CDC42SE2: variants seen among roughly 807,000 people sequenced by gnomAD.
CDC42SE2 encodes CDC42 small effector 2, also known as CDC42 small effector protein 2.
CDC42SE2 carries 3 observed loss-of-function variants against 11.5 expected under a neutral mutation model. The ratio of observed to expected loss-of-function variants is 0.26; its 90% CI spans 0.12 to 0.67. CDC42SE2 has a LOEUF of 0.67. CDC42SE2 is among the 30% of genes least tolerant of loss of function. The pLI is 0.80. For missense variants in CDC42SE2, 82 were observed against 106.8 expected (o/e 0.77, Z 1.02); for synonymous variants, 33 against 34.8 (o/e 0.95, Z 0.18).
intron 2 of CDC42SE2, among the ~76,000 whole-genome samples, chr5:131,328,476 G>A (rs1357614361): frequency 6.6e-6 from 1 of 152,008 alleles, no homozygotes; most frequent in Non-Finnish European, 1.5e-5. Context: ...TTCTTCCCTA[G>A]AAATGTTTCA....
chr5:131,247,038 C>T lies in CDC42SE2; in HGVS notation n.107+1439C>T, dbSNP rs193151432. Among the ~76,000 whole-genome samples the T allele has an allele frequency of 1.3e-4, 20 of 152,212 alleles. No homozygotes were observed. The East Asian group carries it at 3.5e-3, about 26-fold the overall frequency. Reference sequence around the variant, plus strand: ...GGATTACAAGCGTGCGCCCCCATGCCCAGTGCACCAATCCTCTTAAATACT... The same window carrying T: ...GGATTACAAGCGTGCGCCCCCATGCTCAGTGCACCAATCCTCTTAAATACT... On this transcript the variant is annotated intron_variant and non_coding_transcript_variant, in intron 1 of 3. Transcript: ENST00000502840.
intron 2 of CDC42SE2, among the ~76,000 whole-genome samples, chr5:131,255,780 G>T (rs187191204): frequency 9.1e-4 from 138 of 152,230 alleles, no homozygotes; most frequent in African/African-American, 3.2e-3. Flanking sequence ...AGATTGCAAG[G>T]AAGTTGTGAA....
intron 1 of CDC42SE2, among the ~76,000 whole-genome samples, chr5:131,280,132 T>G (rs1031858369): frequency 1.3e-5 from 2 of 152,228 alleles, no homozygotes; most frequent in African/African-American, 4.8e-5. Context: ...GTTGCTTTGT[T>G]AATTCTGAAT....
At chr5:131,220,748 C>T in the CDC42SE2 span, among the ~76,000 whole-genome samples, 3 of 152,148 alleles carry the variant, frequency 2.0e-5, no homozygotes, top group Admixed American at 6.5e-5. Flanking sequence ...TGCTATGATG[C>T]TATGGCCTGA....
intron 2 of CDC42SE2, among the ~76,000 whole-genome samples, chr5:131,337,028 G>A (rs1335504831): frequency 6.6e-6 from 1 of 152,182 alleles, no homozygotes; most frequent in Non-Finnish European, 1.5e-5. Flanking sequence ...CGTTCCTTTG[G>A]AGGAGGAGAG....
chr5:131,359,165 A>G, intron 2 of CDC42SE2, 44 bp from the exon 3 acceptor site: 1 of 207,718 alleles, frequency 4.8e-6, no homozygotes, highest in Non-Finnish European at 9.5e-6. Context: ...TTTCAAGGAT[A>G]AGTAAAGTTT....
chr5:131,278,002 CT>C (rs1244258587), intron 1 of CDC42SE2, among the ~76,000 whole-genome samples: 3 of 151,504 alleles, frequency 2.0e-5, no homozygotes, highest in South Asian at 4.2e-4. Context: ...ATTCCCCCCA[CT>C]TTTTTTTTGA....
At chr5:131,244,716 A>G (rs1756566120), upstream of CDC42SE2, among the ~76,000 whole-genome samples, 1 of 152,112 alleles carries the variant, frequency 6.6e-6, no homozygotes, top group South Asian at 2.1e-4. Flanking sequence ...ATCTCAAAAT[A>G]AAAAAAAGAG....
chr5:131,379,031 G>A (rs2149785092), intron 3 of CDC42SE2, among the ~76,000 whole-genome samples: 1 of 152,310 alleles, frequency 6.6e-6, no homozygotes, highest in Middle Eastern at 3.4e-3. Context: ...TTTGGAAATA[G>A]TGGGCTTGTT....
At chr5:131,304,239 C>T (rs758000726) in intron 1 of CDC42SE2, among the ~76,000 whole-genome samples, 4 of 152,262 alleles carry the variant, frequency 2.6e-5, no homozygotes, top group Middle Eastern at 3.4e-3. Flanking sequence ...CCGCCCTGGC[C>T]TCCCAAAGTG....
chr5:131,362,199 G>A (rs185989833), intron 3 of CDC42SE2, among the ~76,000 whole-genome samples: 116 of 152,152 alleles, frequency 7.6e-4, no homozygotes, highest in South Asian at 6.4e-3. Flanking sequence ...CAGCACTCCC[G>A]TATCAGTACA....
intron 2 of CDC42SE2, among the ~76,000 whole-genome samples, chr5:131,330,555 G>T (rs1758400241): frequency 6.6e-6 from 1 of 152,048 alleles, no homozygotes; most frequent in African/African-American, 2.4e-5. Context: ...CATGACAGTG[G>T]TTCCCAACTG....
chr5:131,305,680 A>G (rs1457989361), intron 1 of CDC42SE2, among the ~76,000 whole-genome samples: 4 of 152,104 alleles, frequency 2.6e-5, no homozygotes, highest in African/African-American at 9.7e-5. Context: ...TGGTTTTTAA[A>G]TATTTTCTCT....
chr5:131,226,338 C>T, the CDC42SE2 span, among the ~76,000 whole-genome samples: 1 of 152,222 alleles, frequency 6.6e-6, no homozygotes, highest in African/African-American at 2.4e-5. Context: ...AAGCAGAAGT[C>T]TGCCTTTAAT....
At chr5:131,388,959 C>G (rs1005940707) in intron 4 of CDC42SE2, among the ~76,000 whole-genome samples, 4 of 152,052 alleles carry the variant, frequency 2.6e-5, no homozygotes, top group Admixed American at 2.0e-4. Flanking sequence ...CAGCCTCCCC[C>G]AGTAGCTGGG....
chr5:131,311,944 C>G (rs977351259), intron 1 of CDC42SE2, among the ~76,000 whole-genome samples: 7 of 152,184 alleles, frequency 4.6e-5, no homozygotes, highest in African/African-American at 1.2e-4. Context: ...TCACTCAGCT[C>G]GTCAAAGTCA....
At chr5:131,275,203 G>A (rs989160971) in intron 1 of CDC42SE2, among the ~76,000 whole-genome samples, 1 of 152,072 alleles carries the variant, frequency 6.6e-6, no homozygotes, top group African/African-American at 2.4e-5. Context: ...CCTATTTTGG[G>A]CTTGCGCTAT....
rs1342953109 is a variant in CDC42SE2 at position 131,302,412 on chromosome 5, C to T, written c.-454-13564C>T. 3.9e-5 allele frequency among the ~76,000 whole-genome samples: 6 copies of T among 152,184 alleles called. No individual in the cohort carries two copies. In the East Asian group the frequency reaches 7.7e-4, roughly 20 times the overall value. On this transcript the variant is annotated intron_variant, in intron 1 of 4. Transcript: ENST00000505065. ...GAGGCTGGTCACGAACTCCCGACCT[C>T]GGGTGATCCGCCTGCCTCGGCCTCC...
intron 4 of CDC42SE2, among the ~76,000 whole-genome samples, chr5:131,390,736 C>CT (rs1297702161): frequency 6.6e-6 from 1 of 152,012 alleles, no homozygotes; most frequent in Non-Finnish European, 1.5e-5. Flanking sequence ...TACCAAGTGC[C>CT]TTGTGAATTA....
Sources: allele counts gnomAD v4.1 joint callset (sites outside exome capture counted in the v4.1 genomes callset), GRCh38; gene constraint gnomAD v4.1.1; transcripts MANE v1.5; gene names NCBI Gene and HGNC (gene_info 2026-07-23, HGNC 2026-07-21).